MPHOSPH9: variants seen among roughly 807,000 people sequenced by gnomAD.
MPHOSPH9 encodes the protein M-phase phosphoprotein 9.
A neutral mutation model predicts 145.5 loss-of-function variants in MPHOSPH9; 88 were observed. That is an observed-to-expected ratio of 0.60 (90% CI 0.51 to 0.72). MPHOSPH9 has a LOEUF of 0.72. Among genes scored for constraint, MPHOSPH9 ranks in the 30% least tolerant of loss-of-function variants. The pLI, the probability that MPHOSPH9 is intolerant of heterozygous loss-of-function variation, is 0.00. For missense variants in MPHOSPH9, 1,238 were observed against 1,386.6 expected (o/e 0.89, Z 1.70); for synonymous variants, 435 against 486.2 (o/e 0.89, Z 1.39).
chr12:123,214,548 C>G (rs2046879003), intron 7 of MPHOSPH9, among the ~76,000 whole-genome samples, 196 bp downstream of exon 7: 2 of 151,976 alleles, frequency 1.3e-5, no homozygotes, highest in Admixed American at 1.3e-4. Flanking sequence ...AAAAACAAAA[C>G]AAACAAAGGT....
chr12:123,210,685 C>T (rs560794241), intron 7 of MPHOSPH9, among the ~76,000 whole-genome samples: 2 of 151,764 alleles, frequency 1.3e-5, no homozygotes, highest in South Asian at 2.1e-4. Context: ...GAGTGAGTGA[C>T]AGAGTCTCAA....
chr12:123,182,847 T>C (rs149313647), intron 13 of MPHOSPH9, among the ~76,000 whole-genome samples: 1 of 151,800 alleles, frequency 6.6e-6, no homozygotes, highest in African/African-American at 2.4e-5. Context: ...CCAGGAGGCG[T>C]AGGTTGTAGT....
chr12:123,222,450 G>T (rs1344217165), intron 4 of MPHOSPH9, among the ~76,000 whole-genome samples: 1 of 152,166 alleles, frequency 6.6e-6, no homozygotes, highest in Non-Finnish European at 1.5e-5. Context: ...CAGATCAAGA[G>T]GTCAGGAGTC....
At chr12:123,166,593 C>A in intron 17 of MPHOSPH9, 62 bp downstream of exon 17, 1 of 1,569,408 alleles carries the variant, frequency 6.4e-7, no homozygotes, top group Non-Finnish European at 8.6e-7. Flanking sequence ...CTTTTAAAAG[C>A]AATTGAAATC....
chr12:123,212,798 G>C (rs1161124609), intron 7 of MPHOSPH9, among the ~76,000 whole-genome samples: 1 of 120,838 alleles, frequency 8.3e-6, no homozygotes, highest in Non-Finnish European at 1.7e-5. Flanking sequence ...CTTTATCATG[G>C]TGCAAAAGCG....
At chr12:123,220,112 T>G (rs1406001629) in intron 5 of MPHOSPH9, among the ~76,000 whole-genome samples, 2 of 152,068 alleles carry the variant, frequency 1.3e-5, no homozygotes, top group African/African-American at 4.8e-5. Context: ...GAGAATCATA[T>G]GAACCTGGGA....
chr12:123,183,265 T>C (rs1188275113), intron 13 of MPHOSPH9, among the ~76,000 whole-genome samples: 1 of 141,930 alleles, frequency 7.0e-6, no homozygotes, highest in African/African-American at 2.6e-5. Context: ...AACAAAGTGC[T>C]GGCCGGGCGT....
chr12:123,154,119 G>C (rs371603207), downstream of MPHOSPH9: 46 of 152,088 alleles, frequency 3.0e-4, no homozygotes, highest in African/African-American at 1.1e-3. Context: ...GGCTTAGCAA[G>C]GGAAAGGAAG....
chr12:123,239,803 TCTC>T (rs2047903326), intron 1 of MPHOSPH9, among the ~76,000 whole-genome samples: 1 of 152,048 alleles, frequency 6.6e-6, no homozygotes, highest in Admixed American at 6.6e-5. Flanking sequence ...AGTTTCCCAA[TCTC>T]CTTGTTTCCA....
chr12:123,218,614 C>T (rs2047070014), intron 5 of MPHOSPH9, 115 bp from the exon 6 acceptor site: 1 of 945,898 alleles, frequency 1.1e-6, no homozygotes, highest in African/African-American at 1.7e-5. Flanking sequence ...CAACCTCCAT[C>T]TCCTAGGTTC....
chr12:123,163,557 A>G (rs930168680), intron 19 of MPHOSPH9, among the ~76,000 whole-genome samples: 1 of 150,068 alleles, frequency 6.7e-6, no homozygotes, highest in Non-Finnish European at 1.5e-5. Flanking sequence ...GACTAATGCT[A>G]AGTACTTGAG....
At chr12:123,211,099 C>T (rs1490161777) in intron 7 of MPHOSPH9, among the ~76,000 whole-genome samples, 1 of 151,272 alleles carries the variant, frequency 6.6e-6, no homozygotes, top group Non-Finnish European at 1.5e-5. Context: ...ATTCTCCTGC[C>T]TCAGCCTCCT....
chr12:123,222,033 T>C (rs1307088713), intron 4 of MPHOSPH9, 138 bp from the exon 5 acceptor site: 3 of 659,238 alleles, frequency 4.6e-6, no homozygotes, highest in Non-Finnish European at 7.4e-6. Context: ...CTTTAGTTTA[T>C]AAACAAAATT....
chr12:123,222,358 T>G (rs574577513), intron 4 of MPHOSPH9, among the ~76,000 whole-genome samples: 48 of 140,682 alleles, frequency 3.4e-4, no homozygotes, highest in Non-Finnish European at 6.5e-4. Flanking sequence ...TAACGTATTG[T>G]TTTTTCTTAC....
At chr12:123,219,625 AACC>A (rs1474534134) in intron 5 of MPHOSPH9, among the ~76,000 whole-genome samples, 3 of 152,070 alleles carry the variant, frequency 2.0e-5, no homozygotes, top group African/African-American at 7.2e-5. Flanking sequence ...CTAGAACAAA[AACC>A]ACCACATTTG....
intron 11 of MPHOSPH9, among the ~76,000 whole-genome samples, chr12:123,200,055 C>G (rs1412189139): frequency 6.6e-6 from 1 of 152,098 alleles, no homozygotes; most frequent in Non-Finnish European, 1.5e-5. Flanking sequence ...TTTTTCAGTA[C>G]TATGGATTCT....
chr12:123,207,595 T>C (rs2138416844), intron 8 of MPHOSPH9, among the ~76,000 whole-genome samples: 1 of 152,326 alleles, frequency 6.6e-6, no homozygotes, highest in Admixed American at 6.5e-5. Flanking sequence ...AGCTCATGCC[T>C]GTAATTCCAG....
chr12:123,204,768 AG>A lies in MPHOSPH9; in HGVS notation c.1195-1394del, dbSNP rs200622267. Among the ~76,000 whole-genome samples the A allele has an allele frequency of 4.1e-4, 63 of 152,242 alleles. 3 individuals carry two copies. In the East Asian group the frequency reaches 0.011, roughly 27 times the overall value. On this transcript the variant is annotated intron_variant, in intron 8 of 23. Coordinates refer to ENST00000606320, the MANE Select transcript of MPHOSPH9 (RefSeq NM_022782.4). The stretch of plus-strand genomic sequence containing the variant: ...CGCAGGCCTGTAATCCCAGCAACGC[AG>A]GAGACTGAAGTGGGACGATCACTTG...
chr12:123,198,258 C>G lies in MPHOSPH9; in HGVS notation c.2014G>C (p.Glu672Gln), dbSNP rs771954960. ...RTLENKNNLL[E>Q]IEVNDLRERF... ...AAAAGAGTACTTACCACTTCAATTT[C>G]CAGTAAGTTATTCTTATTTTCAAGT... The change falls in exon 12 of 24, where the codon GAA (glutamate) becomes CAA (glutamine). Residue 672 changes from glutamate (E) to glutamine (Q), a missense_variant. By Grantham distance (29) the Glu-to-Gln change is conservative (BLOSUM62 2). This residue lies in a region of MPHOSPH9 where 837 missense variants were observed against 897.5 expected (regional missense o/e 0.93). Transcript: ENST00000606320. 1.2e-6 allele frequency: 2 copies of G among 1,609,462 alleles called. No homozygotes were observed. The highest frequency in any genetic ancestry group is 1.7e-6 in the Non-Finnish European group (2 of 1,177,314).
Sources: allele counts gnomAD v4.1 joint callset (sites outside exome capture counted in the v4.1 genomes callset), GRCh38; gene constraint gnomAD v4.1.1; regional missense constraint gnomAD v4.1.1; transcripts MANE v1.5; gene names NCBI Gene and HGNC (gene_info 2026-07-23, HGNC 2026-07-21).